Variants in AP4S1 observed in about 807,000 individuals in gnomAD.
AP4S1 encodes the protein adaptor related protein complex 4 subunit sigma 1.
In AP4S1, 23 loss-of-function variants were observed where a neutral mutation model predicts 19.8. That is an observed-to-expected ratio of 1.16 (90% CI 0.84 to 1.65). The LOEUF (loss-of-function observed/expected upper bound fraction) is 1.65, where lower values mean the gene tolerates loss of function less well. Among genes scored for constraint, AP4S1 ranks in the 40% most tolerant of loss-of-function variants. The pLI is 0.00. For synonymous variants in AP4S1, 46 were observed against 54.1 expected (o/e 0.85, Z 0.66); for missense variants, 166 against 172.8 (o/e 0.96, Z 0.22).
At chr14:31,036,124 A>G (rs1884757172) in intron 1 of AP4S1, among the ~76,000 whole-genome samples, 1 of 151,552 alleles carries the variant, frequency 6.6e-6, no homozygotes, top group South Asian at 2.1e-4. Context: ...CATATTTTCT[A>G]TTTTTATTTT....
chr14:31,069,739 C>A, intron 2 of AP4S1, 104 bp from the exon 3 acceptor site: 1 of 886,528 alleles, frequency 1.1e-6, no homozygotes, highest in Non-Finnish European at 1.9e-6. Context: ...TTCTATATTT[C>A]TAGGAATGTT....
At chr14:31,070,361 C>T (rs1273543922) in intron 3 of AP4S1, among the ~76,000 whole-genome samples, 2 of 152,194 alleles carry the variant, frequency 1.3e-5, no homozygotes, top group African/African-American at 4.8e-5. Flanking sequence ...CCATCTCAGC[C>T]ACCTGACTAG....
intron 1 of AP4S1, among the ~76,000 whole-genome samples, chr14:31,057,891 G>A (rs1198053368): frequency 6.7e-6 from 1 of 149,998 alleles, no homozygotes; most frequent in Non-Finnish European, 1.5e-5. Flanking sequence ...GCCTCCCAAA[G>A]TACTGGGATT....
chr14:31,035,948 T>C (rs1884740254), intron 1 of AP4S1, among the ~76,000 whole-genome samples: 1 of 152,072 alleles, frequency 6.6e-6, no homozygotes, highest in Admixed American at 6.6e-5. Context: ...GCCAGGATGG[T>C]CTCGATATCC....
At chr14:31,063,242 A>G (rs905498582) in intron 1 of AP4S1, among the ~76,000 whole-genome samples, 5 of 152,040 alleles carry the variant, frequency 3.3e-5, no homozygotes. Context: ...ACCAGCCTGG[A>G]CAACATGGTG....
rs1206450979 is a variant in AP4S1 at position 31,096,420 on chromosome 14, G to C, written c.*3385G>C. ...CCAAAATATTAAACAGAAAATTCCA[G>C]AAATAAACAATGTATAAGTTTTAAA... On this transcript the variant is annotated 3_prime_UTR_variant, in exon 6 of 6. Transcript: ENST00000542754. The C allele has an allele frequency of 6.6e-6, 1 of 152,098 alleles. No homozygotes were observed. The highest frequency in any genetic ancestry group is 1.5e-5 in the Non-Finnish European group (1 of 68,022). 9.4% of individuals were successfully genotyped at this position (152,098 alleles called of 1,614,324 possible). A position where few individuals can be genotyped will look rare whatever the true frequency, so the allele number is the denominator to read the frequency against.
chr14:31,061,502 T>C (rs778198970), intron 1 of AP4S1, among the ~76,000 whole-genome samples: 14 of 152,206 alleles, frequency 9.2e-5, no homozygotes, highest in Non-Finnish European at 1.8e-4. Context: ...CTAAGATCGC[T>C]AGCTGCAAAT....
At chr14:31,045,964 A>AT (rs34459906) in intron 1 of AP4S1, among the ~76,000 whole-genome samples, 8,460 of 130,512 alleles carry the variant, frequency 0.065, 298 homozygotes, top group Non-Finnish European at 0.077. Context: ...AAGGAGCTAG[A>AT]TTTTTTTTTT....
chr14:31,026,382 C>G (rs1883941072), intron 1 of AP4S1: 2 of 449,676 alleles, frequency 4.4e-6, no homozygotes, highest in South Asian at 1.1e-4. Context: ...CTCCATCTGC[C>G]CGTCTCACTC....
At chr14:31,044,348 AT>A (rs200073274) in intron 1 of AP4S1, among the ~76,000 whole-genome samples, 4 of 149,722 alleles carry the variant, frequency 2.7e-5, no homozygotes, top group Admixed American at 1.3e-4. Context: ...ATGTCTGGTA[AT>A]TTTTTTTTTA....
intron 1 of AP4S1, among the ~76,000 whole-genome samples, chr14:31,045,492 C>T (rs1413400574): frequency 6.6e-6 from 1 of 152,064 alleles, no homozygotes; most frequent in African/African-American, 2.4e-5. Context: ...GGCACTTGTC[C>T]GTCCTGCTGC....
At chr14:31,081,382 C>T (rs1887629658) in intron 5 of AP4S1, among the ~76,000 whole-genome samples, 1 of 152,044 alleles carries the variant, frequency 6.6e-6, no homozygotes, top group East Asian at 1.9e-4. Flanking sequence ...TGTATTCATT[C>T]CTTGATAGCA....
intron 5 of AP4S1, chr14:31,086,128 C>G (rs1389039826): frequency 6.6e-6 from 1 of 152,234 alleles, no homozygotes; most frequent in African/African-American, 2.4e-5. Context: ...TTTAGAGATC[C>G]GGAAACCAGA....
intron 1 of AP4S1, among the ~76,000 whole-genome samples, chr14:31,063,738 A>T (rs1423160122): frequency 6.6e-6 from 1 of 152,236 alleles, no homozygotes; most frequent in Non-Finnish European, 1.5e-5. Context: ...AGAGGACATT[A>T]GTGGAAGAAT....
intron 1 of AP4S1, among the ~76,000 whole-genome samples, chr14:31,062,828 G>A (rs1886511478): frequency 6.6e-6 from 1 of 151,990 alleles, no homozygotes; most frequent in Admixed American, 6.6e-5. Context: ...TTATCTGGGT[G>A]TGGTGGTGGG....
At chr14:31,090,915 T>G (rs992856982) in intron 5 of AP4S1, among the ~76,000 whole-genome samples, 2 of 152,168 alleles carry the variant, frequency 1.3e-5, no homozygotes, top group Non-Finnish European at 2.9e-5. Flanking sequence ...AGAGTTTGAG[T>G]CAGATACACA....
intron 5 of AP4S1, among the ~76,000 whole-genome samples, chr14:31,082,240 T>G (rs1021798247): frequency 4.6e-5 from 7 of 152,194 alleles, no homozygotes; most frequent in Admixed American, 4.6e-4. Context: ...GGACTATAGA[T>G]CCCTTTGTAG....
intron 4 of AP4S1, among the ~76,000 whole-genome samples, chr14:31,073,541 T>C (rs1427545303): frequency 6.6e-6 from 1 of 151,558 alleles, no homozygotes; most frequent in Non-Finnish European, 1.5e-5. Flanking sequence ...GAGCTTTTGC[T>C]ATCTGACTTG....
chr14:31,086,602 G>T (rs1887924350), intron 5 of AP4S1, among the ~76,000 whole-genome samples: 1 of 152,088 alleles, frequency 6.6e-6, no homozygotes, highest in South Asian at 2.1e-4. Flanking sequence ...TTTTAGTAGA[G>T]ACGGGGTTTT....
Sources: gnomAD v4.1 joint callset for allele counts (sites outside exome capture counted in the v4.1 genomes callset) on GRCh38, gnomAD v4.1.1 for gene constraint, MANE v1.5 for transcripts, NCBI Gene and HGNC (gene_info 2026-07-23, HGNC 2026-07-21) for gene names.